The following MAOB variants were observed in gnomAD, a reference collection of about 807,000 sequenced individuals.
The protein encoded by MAOB is amine oxidase [flavin-containing] B.
In MAOB, 15 loss-of-function variants were observed where a neutral mutation model predicts 41.9. The ratio of observed to expected loss-of-function variants is 0.36; its 90% CI spans 0.24 to 0.55. The LOEUF is 0.55. MAOB is among the 20% of genes least tolerant of loss of function. The pLI, the probability that MAOB is intolerant of heterozygous loss-of-function variation, is 0.86. For missense variants in MAOB, 345 were observed against 398.7 expected (o/e 0.87, Z 1.15); for synonymous variants, 167 against 144.2 (o/e 1.16, Z -1.13).
chrX:43,775,289 C>T lies in MAOB; in HGVS notation c.1138-17G>A, dbSNP rs745622359. 8.3e-6 allele frequency: 10 copies of T among 1,197,765 alleles called. No homozygotes were observed. Among genetic ancestry groups the T allele is most frequent in the South Asian group, 7.4e-5 (4 of 54,048 alleles). ...ATGCACTGGCTGCAAGATAGAGCAA[C>T]AAAAACTTGAAGGAGACTCAGAGAA... is the stretch of plus-strand genomic sequence containing the variant. On this transcript the variant is annotated splice_polypyrimidine_tract_variant and intron_variant, in intron 11 of 14. Coordinates refer to ENST00000378069, the MANE Select transcript of MAOB (RefSeq NM_000898.5).
At chrX:43,870,524 G>A (rs1002354158) in intron 1 of MAOB, among the ~76,000 whole-genome samples, 5 of 111,153 alleles carry the variant, frequency 4.5e-5, no homozygotes, top group Admixed American at 1.9e-4. Context: ...GAACATGGGC[G>A]GTGGCTCACG....
rs776916746 is a variant in MAOB, at chrX:43,781,547, T to C, written c.929-3A>G. ...AATAATCATGGTTCCACAGTAATCT[T>C]AGAGAACAGCAAAATGGAAGAGCAT... On this transcript the variant is annotated splice_region_variant and splice_polypyrimidine_tract_variant and intron_variant, in intron 8 of 14. Coordinates refer to ENST00000378069, the MANE Select transcript of MAOB (RefSeq NM_000898.5). 1 of 1,058,084 alleles carries C rather than the reference T, an allele frequency of 9.5e-7. No individual in the cohort carries two copies. The highest frequency in any genetic ancestry group is 2.0e-5 in the South Asian group (1 of 50,092). 87.2% of individuals were successfully genotyped at this position (1,058,084 alleles called of 1,213,427 possible). A position where few individuals can be genotyped will look rare whatever the true frequency, so the allele number is the denominator to read the frequency against.
rs1601977966 is a variant in MAOB, at chrX:43,793,979, C to T, written c.769-401G>A. Among the ~76,000 whole-genome samples, 5 of 111,918 alleles carry T rather than the reference C, an allele frequency of 4.5e-5. No homozygotes were observed. In the South Asian group the frequency reaches 1.5e-3, roughly 34 times the overall value. On this transcript the variant is annotated intron_variant, in intron 7 of 14. Transcript: ENST00000378069. ...CAACCTCCACGTGCCCAGGTTCAAGCGATTCTCCTGCCTCAGCCTCCAGAG... is the reference window on the plus strand; with the variant it reads ...CAACCTCCACGTGCCCAGGTTCAAGTGATTCTCCTGCCTCAGCCTCCAGAG...
intron 3 of MAOB, among the ~76,000 whole-genome samples, chrX:43,832,294 T>C (rs987259543): frequency 1.2e-4 from 14 of 112,395 alleles, no homozygotes; most frequent in African/African-American, 4.2e-4. Context: ...CTTACCAACC[T>C]TAAAGCTCTA....
At chrX:43,786,369 CGT>C (rs1476197081) in intron 8 of MAOB, among the ~76,000 whole-genome samples, 1 of 111,429 alleles carries the variant, frequency 9.0e-6, no homozygotes, top group Non-Finnish European at 1.9e-5. Flanking sequence ...TGTGTGCATA[CGT>C]GTGTGTAAGC....
chrX:43,873,261 C>A (rs900620397), intron 1 of MAOB, among the ~76,000 whole-genome samples: 5 of 111,439 alleles, frequency 4.5e-5, no homozygotes, highest in African/African-American at 1.6e-4. Context: ...GGGATCACAG[C>A]AATAAAAAGT....
intron 12 of MAOB, among the ~76,000 whole-genome samples, chrX:43,772,900 C>T (rs750563663): frequency 4.9e-4 from 55 of 112,009 alleles, no homozygotes; most frequent in Middle Eastern, 9.2e-3. Flanking sequence ...CTCACTTTGC[C>T]TTCTGCCATG....
At chrX:43,821,694 A>T (rs2034883054) in intron 3 of MAOB, among the ~76,000 whole-genome samples, 1 of 111,848 alleles carries the variant, frequency 8.9e-6, no homozygotes, top group South Asian at 3.7e-4. Flanking sequence ...TTATTAGATT[A>T]TCCTTTTGAA....
chrX:43,807,911 T>A (rs753443251), intron 3 of MAOB, among the ~76,000 whole-genome samples: 20 of 111,659 alleles, frequency 1.8e-4, no homozygotes, highest in Non-Finnish European at 3.2e-4. Flanking sequence ...TAAACTGATC[T>A]TTTGTACTTT....
At chrX:43,829,464 G>A (rs185190514) in intron 3 of MAOB, among the ~76,000 whole-genome samples, 1 of 112,365 alleles carries the variant, frequency 8.9e-6, no homozygotes, top group African/African-American at 3.2e-5. Context: ...ATTGCGCAGT[G>A]TCTTTTAAGG....
chrX:43,880,659 G>A (rs900135705), intron 1 of MAOB, among the ~76,000 whole-genome samples: 1 of 112,459 alleles, frequency 8.9e-6, no homozygotes, highest in Non-Finnish European at 1.9e-5. Flanking sequence ...TGAATGCAGA[G>A]GTTTCACCAC....
Position 43,789,673 on chromosome X carries a change from G to A in MAOB, c.928+3746C>T, listed in dbSNP as rs570017535. 2.7e-5 allele frequency among the ~76,000 whole-genome samples: 3 copies of A among 111,487 alleles called. No individual in the cohort carries two copies. The East Asian group carries it at 8.5e-4, about 31-fold the overall frequency. On this transcript the variant is annotated intron_variant, in intron 8 of 14. Transcript: ENST00000378069. Reference sequence around the variant, plus strand: ...CTCAGTGGAAGGCCAGCAAAATATAGGAAGCCTGTCCTTGCAAATTCACAA... The same window carrying A: ...CTCAGTGGAAGGCCAGCAAAATATAAGAAGCCTGTCCTTGCAAATTCACAA...
rs2034486793 is a variant in MAOB, at chrX:43,793,412, T to A, written c.928+7A>T. On this transcript the variant is annotated splice_region_variant and intron_variant, in intron 8 of 14. Transcript: ENST00000378069. Reference sequence around the variant, plus strand: ...TCTAAAGGTTTTTATATAAGGAAAGTACTCACCCTTTTTCCTCCAGAAAGG... The same window carrying A: ...TCTAAAGGTTTTTATATAAGGAAAGAACTCACCCTTTTTCCTCCAGAAAGG... 1.0e-5 allele frequency: 12 copies of A among 1,174,043 alleles called. No homozygotes were observed. The highest frequency in any genetic ancestry group is 7.4e-5 in the Admixed American group (3 of 40,731).
intron 8 of MAOB, among the ~76,000 whole-genome samples, chrX:43,785,898 C>T (rs962900936): frequency 3.6e-5 from 4 of 111,862 alleles, no homozygotes; most frequent in Admixed American, 1.9e-4. Flanking sequence ...TCAAGGGCCA[C>T]TGATCACAGA....
chrX:43,775,066 T>G, intron 12 of MAOB, 109 bp downstream of exon 12: 1 of 889,016 alleles, frequency 1.1e-6, no homozygotes. Context: ...TTTTTTTTTT[T>G]TTTTTTTGTA....
intron 3 of MAOB, among the ~76,000 whole-genome samples, chrX:43,824,862 G>GCA (rs1184195420): frequency 1.8e-5 from 2 of 112,911 alleles, no homozygotes; most frequent in African/African-American, 6.4e-5. Context: ...ACGCACACAT[G>GCA]CACACACACA....
chrX:43,861,309 G>T (rs1001843593), intron 1 of MAOB, among the ~76,000 whole-genome samples: 3 of 112,665 alleles, frequency 2.7e-5, no homozygotes, highest in Non-Finnish European at 5.6e-5. Context: ...ACGCTAGTGC[G>T]GCCATCAGAA....
At chrX:43,804,022 A>G (rs980983957) in intron 3 of MAOB, among the ~76,000 whole-genome samples, 15 of 111,543 alleles carry the variant, frequency 1.3e-4, no homozygotes, top group African/African-American at 3.9e-4. Context: ...ATACCTCGAC[A>G]CAGAAATAAA....
At chrX:43,784,384 C>T (rs1295627762) in intron 8 of MAOB, among the ~76,000 whole-genome samples, 1 of 112,419 alleles carries the variant, frequency 8.9e-6, no homozygotes, top group Middle Eastern at 4.2e-3. Context: ...GAAATTACTC[C>T]TTGATCCATG....
Sources: gnomAD v4.1 joint callset for allele counts (sites outside exome capture counted in the v4.1 genomes callset) on GRCh38, gnomAD v4.1.1 for gene constraint, MANE v1.5 for transcripts, NCBI Gene and HGNC (gene_info 2026-07-23, HGNC 2026-07-21) for gene names.